The following SLC11A2 variants were observed in gnomAD, a reference collection of about 807,000 sequenced individuals.
SLC11A2 encodes natural resistance-associated macrophage protein 2.
Under a neutral mutation model 68.0 loss-of-function variants are expected in SLC11A2, and 38 were observed. That is an observed-to-expected ratio of 0.56 (90% CI 0.43 to 0.73). The LOEUF is 0.73. Ranked by LOEUF, SLC11A2 falls within the 30% of genes least tolerant of loss-of-function variation. The pLI is 0.00. For synonymous variants in SLC11A2, 242 were observed against 250.6 expected, an observed-to-expected ratio of 0.97 and a Z score of 0.32; for missense variants, 517 against 690.5, an observed-to-expected ratio of 0.75 and a Z score of 2.82.
rs552810613 is a variant in SLC11A2, at chr12:50,987,554, T to C, written c.*771A>G. 1 of 1,287,032 alleles carries C rather than the reference T, an allele frequency of 7.8e-7. No homozygotes were observed. The highest frequency in any genetic ancestry group is 1.0e-6 in the Non-Finnish European group (1 of 988,692). The allele number at this position is 1,287,032 out of a possible 1,614,324, so 79.7% of individuals were successfully genotyped here. ...ACAACCACATGTGCTCAAGAGTAAATATCATCAGGAAAGCTCTGTACTAAC... is the reference window on the plus strand; with the variant it reads ...ACAACCACATGTGCTCAAGAGTAAACATCATCAGGAAAGCTCTGTACTAAC... On this transcript the variant is annotated 3_prime_UTR_variant, in exon 16 of 16. Transcript: ENST00000262052.
At chr12:50,971,701 A>G in the SLC11A2 span, among the ~76,000 whole-genome samples, 1 of 152,218 alleles carries the variant, frequency 6.6e-6, no homozygotes, top group Admixed American at 6.5e-5. Flanking sequence ...TAGGAGAGAA[A>G]AAAATAGTCA....
At chr12:50,985,960 T>C, downstream of SLC11A2, 4 of 1,147,350 alleles carry the variant, frequency 3.5e-6, no homozygotes, top group Non-Finnish European at 4.3e-6. Context: ...AATAAATTAT[T>C]TCAAGGTTAA....
At chr12:51,000,039 G>T (rs1364692771) in intron 6 of SLC11A2, among the ~76,000 whole-genome samples, 1 of 151,878 alleles carries the variant, frequency 6.6e-6, no homozygotes, top group Non-Finnish European at 1.5e-5. Flanking sequence ...AAAATAAAAA[G>T]ATAGTATCTA....
the SLC11A2 span, among the ~76,000 whole-genome samples, chr12:50,963,221 T>G: frequency 2.6e-5 from 4 of 151,306 alleles, no homozygotes; most frequent in African/African-American, 9.7e-5. Context: ...AATACAAAAA[T>G]TGGCTGGGAG....
downstream of SLC11A2, among the ~76,000 whole-genome samples, chr12:50,978,936 G>A (rs776779830): frequency 1.3e-5 from 2 of 152,102 alleles, no homozygotes; most frequent in Non-Finnish European, 2.9e-5. Flanking sequence ...TTTATATTAG[G>A]CTGGCACACA....
At chr12:51,017,500 GGA>G in intron 1 of SLC11A2, among the ~76,000 whole-genome samples, 1 of 152,002 alleles carries the variant, frequency 6.6e-6, no homozygotes, top group East Asian at 1.9e-4. Flanking sequence ...AGAGAAGGAA[GGA>G]GTAGGAGAGC....
chr12:50,977,192 A>G (rs1246124106), downstream of SLC11A2, among the ~76,000 whole-genome samples: 2 of 152,366 alleles, frequency 1.3e-5, no homozygotes, highest in East Asian at 3.9e-4. Flanking sequence ...TGCCAAGTCA[A>G]TCCTAAGCCA....
At chr12:50,975,834 C>A (rs1279893809), downstream of SLC11A2, among the ~76,000 whole-genome samples, 1 of 152,142 alleles carries the variant, frequency 6.6e-6, no homozygotes, top group East Asian at 1.9e-4. Flanking sequence ...CACAGAAATA[C>A]AAACTACCAT....
At chr12:50,954,412 A>C in the SLC11A2 span, 1 of 218,948 alleles carries the variant, frequency 4.6e-6, no homozygotes, top group Non-Finnish European at 8.9e-6. Context: ...ACTCAGGACC[A>C]TCAACAGCAG....
intron 1 of SLC11A2, chr12:51,025,539 A>C (rs1944323835): frequency 6.3e-6 from 1 of 159,460 alleles, no homozygotes; most frequent in African/African-American, 2.4e-5. Context: ...GCAAGTTTTT[A>C]GAAGCCTATC....
intron 1 of SLC11A2, chr12:51,025,784 GC>G (rs1241759158): frequency 1.0e-6 from 1 of 985,930 alleles, no homozygotes; most frequent in East Asian, 1.1e-4. Flanking sequence ...CAATTACTGA[GC>G]CGCGTATGCA....
the SLC11A2 span, among the ~76,000 whole-genome samples, chr12:50,972,208 A>C: frequency 6.6e-6 from 1 of 152,242 alleles, no homozygotes; most frequent in Admixed American, 6.5e-5. Flanking sequence ...CTACCTTCTC[A>C]ATATGTACTC....
chr12:50,967,873 GC>G, the SLC11A2 span, among the ~76,000 whole-genome samples: 1 of 152,146 alleles, frequency 6.6e-6, no homozygotes, highest in East Asian at 1.9e-4. Context: ...AATCACTTGA[GC>G]CCAGGAGTTT....
chr12:50,964,242 T>C, the SLC11A2 span, among the ~76,000 whole-genome samples: 2 of 152,240 alleles, frequency 1.3e-5, no homozygotes, highest in Admixed American at 6.5e-5. Flanking sequence ...GCTGGTCAGA[T>C]GGTTATTGCT....
intron 5 of SLC11A2, among the ~76,000 whole-genome samples, chr12:51,002,235 C>G (rs1170691220): frequency 6.6e-6 from 1 of 152,122 alleles, no homozygotes; most frequent in Non-Finnish European, 1.5e-5. Flanking sequence ...GTGGTCCCAA[C>G]TATTCAAGAG....
intron 1 of SLC11A2, among the ~76,000 whole-genome samples, chr12:51,018,812 G>C (rs1046841517): frequency 6.6e-5 from 10 of 152,048 alleles, no homozygotes; most frequent in Admixed American, 6.6e-4. Context: ...GAAATAATTC[G>C]TTTTCATATA....
intron 13 of SLC11A2, 87 bp downstream of exon 13, chr12:50,992,103 C>T: frequency 7.6e-7 from 1 of 1,314,032 alleles, no homozygotes; most frequent in Non-Finnish European, 1.1e-6. Context: ...TCAATATCCC[C>T]CCAGCACTCA....
the SLC11A2 span, among the ~76,000 whole-genome samples, chr12:50,972,443 C>T: frequency 6.6e-6 from 1 of 152,212 alleles, no homozygotes. Flanking sequence ...AGAACAGGAG[C>T]ACTTAGAAGG....
chr12:50,970,206 G>T, the SLC11A2 span, among the ~76,000 whole-genome samples: 1 of 152,102 alleles, frequency 6.6e-6, no homozygotes, highest in Non-Finnish European at 1.5e-5. Flanking sequence ...ATATTTTGGT[G>T]GCACTAAAAC....
Sources: gnomAD v4.1 joint callset for allele counts (sites outside exome capture counted in the v4.1 genomes callset) on GRCh38, gnomAD v4.1.1 for gene constraint, MANE v1.5 for transcripts, NCBI Gene and HGNC (gene_info 2026-07-23, HGNC 2026-07-21) for gene names.